The following NHSL2 variants were observed in gnomAD, a reference collection of about 807,000 sequenced individuals.
The protein encoded by NHSL2 is NHS-like protein 2.
In NHSL2, 27 loss-of-function variants were observed where a neutral mutation model predicts 53.4. The observed-to-expected ratio is 0.51, with a 90% CI of 0.37 to 0.70. The LOEUF is 0.70. Ranked by LOEUF, NHSL2 falls within the 30% of genes least tolerant of loss-of-function variation. NHSL2 has a pLI of 0.00. For missense variants in NHSL2, 892 were observed against 980.1 expected, an observed-to-expected ratio of 0.91 and a Z score of 1.20; for synonymous variants, 408 against 404.1, an observed-to-expected ratio of 1.01 and a Z score of -0.12.
Position 72,139,488 on chromosome X carries a change from A to T in NHSL2, c.1940A>T (p.Asp647Val). ...TATCTTACTGACTGGAAGTCTGGTG[A>T]CACCTACCAATCCCTGTCCAGCTCC... ...HWYLTDWKSGDTYQSLSSSST... is the reference protein window; with the variant it reads ...HWYLTDWKSGVTYQSLSSSST... The change falls in exon 6 of 8, where the codon GAC (aspartate) becomes GTC (valine). Residue 647 changes from aspartate (D) to valine (V), a missense_variant. By Grantham distance (152) the Asp-to-Val change is radical (BLOSUM62 -3). Coordinates refer to ENST00000633930, the MANE Select transcript of NHSL2 (RefSeq NM_001013627.3). 1 of 1,209,973 alleles carries T rather than the reference A, an allele frequency of 8.3e-7. No individual in the cohort carries two copies. The highest frequency in any genetic ancestry group is 3.0e-5 in the East Asian group (1 of 33,810).
intron 2 of NHSL2, 193 bp from the exon 3 acceptor site, chrX:72,133,898 C>G (rs941638071): frequency 5.7e-5 from 23 of 403,050 alleles, no homozygotes; most frequent in Non-Finnish European, 9.9e-5. Flanking sequence ...CTCTTCTCCT[C>G]GATCCTCATG....
intron 1 of NHSL2, among the ~76,000 whole-genome samples, chrX:72,000,707 C>G (rs1358891971): frequency 4.5e-5 from 5 of 111,686 alleles, no homozygotes; most frequent in Non-Finnish European, 9.4e-5. Context: ...GATTCTGCTT[C>G]TATACATCTC....
intron 1 of NHSL2, among the ~76,000 whole-genome samples, chrX:71,999,557 C>T (rs1233015706): frequency 8.9e-6 from 1 of 111,896 alleles, no homozygotes; most frequent in African/African-American, 3.3e-5. Flanking sequence ...CAACTAAATA[C>T]AATATGGGTC....
intron 1 of NHSL2, among the ~76,000 whole-genome samples, chrX:72,058,430 C>T (rs896978102): frequency 1.8e-5 from 2 of 111,328 alleles, no homozygotes; most frequent in East Asian, 2.8e-4. Context: ...CTGCAACCTC[C>T]GCCTTCCCGA....
intron 1 of NHSL2, among the ~76,000 whole-genome samples, chrX:72,085,831 C>A (rs1035962578): frequency 9.3e-6 from 1 of 107,974 alleles, no homozygotes; most frequent in Non-Finnish European, 1.9e-5. Flanking sequence ...TCCCTCCCTA[C>A]CACCCGTATG....
At chrX:72,118,253 G>A (rs1032357853) in intron 1 of NHSL2, among the ~76,000 whole-genome samples, 21 of 111,512 alleles carry the variant, frequency 1.9e-4, no homozygotes, top group African/African-American at 6.8e-4. Context: ...TGTGCTTGTT[G>A]GCCATTTGTA....
In NHSL2 at chrX:71,963,967, A is replaced by ATATATG. The variant is rs1556312056; in HGVS notation, c.280+52605_280+52606insGTATAT. On this transcript the variant is annotated intron_variant, in intron 1 of 7. Transcript: ENST00000633930. ...GGAGTGGCTATATATATACACATAT[A>ATATATG]TATATACATATATATATATATATAT... 1.8e-3 allele frequency among the ~76,000 whole-genome samples: 11 copies of ATATATG among 6,212 alleles called. 1 individual carries two copies. The highest frequency in any genetic ancestry group is 0.11 in the South Asian group (1 of 9). The allele number at this position is 6,212 out of a possible 115,157, so 5.4% of individuals were successfully genotyped here.
In NHSL2 at chrX:72,045,119, C is replaced by T. The variant is rs184617081; in HGVS notation, c.281-86960C>T. Among the ~76,000 whole-genome samples the T allele has an allele frequency of 3.9e-3, 434 of 111,669 alleles. 2 individuals are homozygous for T. The highest frequency in any genetic ancestry group is 0.013 in the African/African-American group (407 of 30,690). On this transcript the variant is annotated intron_variant, in intron 1 of 7. Coordinates refer to ENST00000633930, the MANE Select transcript of NHSL2 (RefSeq NM_001013627.3). ...GAGACAACTAAGACCCAGCAGCCTT[C>T]CCAGCATCTAGCACACATAACAGCC...
chrX:71,998,032 A>G (rs746954814), intron 1 of NHSL2, among the ~76,000 whole-genome samples: 10 of 112,350 alleles, frequency 8.9e-5, no homozygotes, highest in Non-Finnish European at 1.9e-4. Flanking sequence ...CTGAAGGAAT[A>G]TGCAACAGAC....
At position 72,147,611 on chromosome X, in the gene NHSL2, C is replaced by T. The variant is rs909175930; in HGVS notation, c.*4037C>T. On this transcript the variant is annotated 3_prime_UTR_variant, in exon 8 of 8. Coordinates refer to ENST00000633930, the MANE Select transcript of NHSL2 (RefSeq NM_001013627.3). Reference sequence around the variant, plus strand: ...ATATGCTCCAGGTGGCAAGTTAACACCCATTTCAGCAGGGATGCTCCCAAG... The same window carrying T: ...ATATGCTCCAGGTGGCAAGTTAACATCCATTTCAGCAGGGATGCTCCCAAG... The T allele has an allele frequency of 8.9e-6, 1 of 111,742 alleles. No homozygotes were observed. Among genetic ancestry groups the T allele is most frequent in the Non-Finnish European group, 1.9e-5 (1 of 53,151 alleles). 9.2% of individuals were successfully genotyped at this position (111,742 alleles called of 1,213,427 possible). A position where few individuals can be genotyped will look rare whatever the true frequency, so the allele number is the denominator to read the frequency against.
In NHSL2 at chrX:72,107,160, A is replaced by C. The variant is rs2042050565; in HGVS notation, c.281-24919A>C. ...TTTAAAAGGCCGGGCGCGGTGGCTC[A>C]TGCCTGTAATCCTAGCACTTTGGGA... is the stretch of plus-strand genomic sequence containing the variant. On this transcript the variant is annotated intron_variant, in intron 1 of 7. Coordinates refer to ENST00000633930, the MANE Select transcript of NHSL2 (RefSeq NM_001013627.3). 2.7e-5 allele frequency among the ~76,000 whole-genome samples: 3 copies of C among 110,874 alleles called. No homozygotes were observed. In the South Asian group the frequency reaches 1.1e-3, roughly 42 times the overall value.
At chrX:72,066,133 G>A (rs1005692072) in intron 1 of NHSL2, among the ~76,000 whole-genome samples, 6 of 111,585 alleles carry the variant, frequency 5.4e-5, no homozygotes, top group Non-Finnish European at 1.1e-4. Flanking sequence ...GATATTCATT[G>A]AAGGGGTCTG....
In NHSL2 at chrX:72,006,839, C is replaced by A. The variant is rs748294611; in HGVS notation, c.280+95472C>A. 2.7e-5 allele frequency among the ~76,000 whole-genome samples: 3 copies of A among 112,738 alleles called. No individual in the cohort carries two copies. The East Asian group carries it at 8.3e-4, about 31-fold the overall frequency. Reference sequence around the variant, plus strand: ...GGATTACAGGTATGAGCCACTGCTCCTAGCCATCCAGTTTTTCGTATACAC... The same window carrying A: ...GGATTACAGGTATGAGCCACTGCTCATAGCCATCCAGTTTTTCGTATACAC... On this transcript the variant is annotated intron_variant, in intron 1 of 7. Transcript: ENST00000633930.
chrX:72,043,927 G>A (rs916808480), intron 1 of NHSL2, among the ~76,000 whole-genome samples: 3 of 111,965 alleles, frequency 2.7e-5, no homozygotes, highest in Non-Finnish European at 3.8e-5. Flanking sequence ...GTGTGGGTTT[G>A]TTCTGCCAAA....
intron 1 of NHSL2, among the ~76,000 whole-genome samples, chrX:71,934,147 A>T (rs755822776): frequency 9.0e-6 from 1 of 111,294 alleles, no homozygotes. Flanking sequence ...CCTGTCCTCT[A>T]TCCTCGTTTT....
chrX:71,923,795 A>G (rs758312632), intron 1 of NHSL2, among the ~76,000 whole-genome samples: 1 of 111,947 alleles, frequency 8.9e-6, no homozygotes, highest in Non-Finnish European at 1.9e-5. Flanking sequence ...GCTTTCCACA[A>G]TGAACAGCCA....
intron 1 of NHSL2, among the ~76,000 whole-genome samples, chrX:72,045,510 C>T (rs975933941): frequency 1.2e-4 from 13 of 111,350 alleles, no homozygotes; most frequent in Non-Finnish European, 2.5e-4. Context: ...GGTGGGAGGC[C>T]CCCGTGGCCT....
At chrX:72,048,640 C>T (rs1473873994) in intron 1 of NHSL2, among the ~76,000 whole-genome samples, 3 of 110,003 alleles carry the variant, frequency 2.7e-5, no homozygotes, top group African/African-American at 1.0e-4. Context: ...GGGCATTTCT[C>T]CTCCATGGTG....
intron 1 of NHSL2, chrX:72,131,554 G>A (rs2042300520): frequency 1.3e-5 from 15 of 1,149,720 alleles, no homozygotes; most frequent in African/African-American, 1.8e-5. Context: ...GACAAGCCCA[G>A]GGGCCCTGGG....
Sources: gnomAD v4.1 joint callset for allele counts (sites outside exome capture counted in the v4.1 genomes callset) on GRCh38, gnomAD v4.1.1 for gene constraint, MANE v1.5 for transcripts, NCBI Gene and HGNC (gene_info 2026-07-23, HGNC 2026-07-21) for gene names.